The following DLG2 variants were observed in gnomAD, a reference collection of about 807,000 sequenced individuals.
DLG2 encodes the protein discs large MAGUK scaffold protein 2.
Under a neutral mutation model 132.5 loss-of-function variants are expected in DLG2, and 45 were observed. The observed-to-expected ratio is 0.34, with a 90% CI of 0.27 to 0.44. The LOEUF (loss-of-function observed/expected upper bound fraction) is 0.44. Among genes scored for constraint, DLG2 ranks in the 20% least tolerant of loss-of-function variants. DLG2 has a pLI of 1.00. For synonymous variants in DLG2, 424 were observed against 419.6 expected (o/e 1.01, Z -0.13); for missense variants, 1,045 against 1,196.9 (o/e 0.87, Z 1.87).
At chr11:83,664,177 G>A (rs2075011879) in intron 18 of DLG2, among the ~76,000 whole-genome samples, 1 of 152,178 alleles carries the variant, frequency 6.6e-6, no homozygotes. Context: ...CTAACACCAA[G>A]AGTCTGTTGA....
chr11:83,544,949 T>G (rs951277586), intron 19 of DLG2, among the ~76,000 whole-genome samples: 10 of 152,142 alleles, frequency 6.6e-5, no homozygotes, highest in African/African-American at 2.4e-4. Context: ...TAACCTTCCC[T>G]TCAGGGCTGA....
intron 8 of DLG2, among the ~76,000 whole-genome samples, chr11:84,186,677 C>T (rs2096282961): frequency 6.6e-6 from 1 of 151,902 alleles, no homozygotes; most frequent in African/African-American, 2.4e-5. Flanking sequence ...AACACTCCTC[C>T]TATCTAGATT....
At chr11:83,870,912 G>A (rs1000674961) in intron 16 of DLG2, among the ~76,000 whole-genome samples, 13 of 152,126 alleles carry the variant, frequency 8.5e-5, no homozygotes, top group South Asian at 2.1e-4. Flanking sequence ...GACATAATCC[G>A]AGGAAATGTC....
At chr11:85,151,512 A>T (rs1238393713) in intron 5 of DLG2, among the ~76,000 whole-genome samples, 1 of 152,040 alleles carries the variant, frequency 6.6e-6, no homozygotes, top group African/African-American at 2.4e-5. Context: ...TGTAGGCATT[A>T]TAGAGTTTAA....
chr11:84,002,282 C>A (rs1442413722), intron 11 of DLG2, among the ~76,000 whole-genome samples: 4 of 152,152 alleles, frequency 2.6e-5, no homozygotes, highest in Non-Finnish European at 5.9e-5. Flanking sequence ...CTTCCCAAGA[C>A]TGGGATCTAC....
chr11:84,688,681 T>C (rs1812656015), intron 6 of DLG2, among the ~76,000 whole-genome samples: 2 of 152,192 alleles, frequency 1.3e-5, no homozygotes, highest in South Asian at 4.1e-4. Context: ...AGCATAAATC[T>C]GGCTCTCTCT....
At chr11:85,111,448 C>T (rs2072720925) in intron 6 of DLG2, among the ~76,000 whole-genome samples, 1 of 152,106 alleles carries the variant, frequency 6.6e-6, no homozygotes, top group African/African-American at 2.4e-5. Context: ...CAATCCTTTC[C>T]AAGTTATCCT....
chr11:85,450,275 G>A lies in DLG2; in HGVS notation c.40+148382C>T, dbSNP rs375908274. 3.3e-5 allele frequency among the ~76,000 whole-genome samples: 5 copies of A among 152,168 alleles called. No individual in the cohort carries two copies. In the South Asian group the frequency reaches 6.2e-4, roughly 19 times the overall value. On this transcript the variant is annotated intron_variant, in intron 3 of 27. Transcript: ENST00000376104. ...TTGCCAAGTTGTCTTGCTTATCTTC[G>A]TTATTTGACAGGGAGACATTTTTTT...
At chr11:83,917,512 G>A (rs77358393) in intron 15 of DLG2, among the ~76,000 whole-genome samples, 2,765 of 152,232 alleles carry the variant, frequency 0.018, 88 homozygotes, top group African/African-American at 0.063. Context: ...TAATAGATGG[G>A]TTGATGAAAA....
chr11:84,464,199 C>T (rs2099087964), intron 7 of DLG2, among the ~76,000 whole-genome samples: 1 of 151,076 alleles, frequency 6.6e-6, no homozygotes, highest in African/African-American at 2.4e-5. Flanking sequence ...ATTACAAGAT[C>T]CTAGTCTCAA....
intron 6 of DLG2, among the ~76,000 whole-genome samples, chr11:84,612,572 T>C (rs2099597274): frequency 6.6e-6 from 1 of 152,150 alleles, no homozygotes; most frequent in African/African-American, 2.4e-5. Context: ...CATATGAAAA[T>C]GAAAATAAGA....
chr11:84,949,772 A>G (rs573328880), intron 6 of DLG2, among the ~76,000 whole-genome samples: 12 of 152,286 alleles, frequency 7.9e-5, no homozygotes, highest in Admixed American at 2.0e-4. Context: ...TCAAACACAC[A>G]TGCTGTACAA....
At chr11:85,590,856 C>T (rs1032359190) in intron 3 of DLG2, among the ~76,000 whole-genome samples, 1 of 152,156 alleles carries the variant, frequency 6.6e-6, no homozygotes, top group African/African-American at 2.4e-5. Flanking sequence ...TCACCAGATC[C>T]TTTCACACTC....
intron 4 of DLG2, among the ~76,000 whole-genome samples, chr11:85,229,788 C>T (rs1013908815): frequency 2.6e-5 from 4 of 152,112 alleles, no homozygotes; most frequent in Admixed American, 2.0e-4. Flanking sequence ...GGCACATATA[C>T]ACCATGGAAT....
chr11:85,615,954 C>T (rs1021707243), intron 2 of DLG2, among the ~76,000 whole-genome samples: 1 of 148,698 alleles, frequency 6.7e-6, no homozygotes, highest in Non-Finnish European at 1.5e-5. Flanking sequence ...TTTTGTACAG[C>T]AGTTTCTTAT....
chr11:85,196,037 G>T (rs1241885094), intron 4 of DLG2, among the ~76,000 whole-genome samples: 1 of 152,124 alleles, frequency 6.6e-6, no homozygotes, highest in African/African-American at 2.4e-5. Flanking sequence ...CTTTTGGAAT[G>T]AGAATTTTCA....
chr11:83,962,943 A>G lies in DLG2; in HGVS notation c.1282T>C (p.Ser428Pro), dbSNP rs2089227189. The G allele has an allele frequency of 6.2e-7, 1 of 1,612,974 alleles. No individual in the cohort carries two copies. Among genetic ancestry groups the G allele is most frequent in the Non-Finnish European group, 8.5e-7 (1 of 1,179,288 alleles). Residue 428 changes from serine (S) to proline (P), a missense_variant, in exon 14 of 28, where the codon TCT becomes CCT. By Grantham distance (74) the Ser-to-Pro change is moderately conservative. Around this residue, in one of 4 missense-constraint regions of DLG2, gnomAD observed 261 missense variants for 256.1 expected, o/e 1.02. Coordinates refer to ENST00000376104, the MANE Select transcript of DLG2 (RefSeq NM_001142699.3). ...GGAATTGGTGAGTACCTTCCTGGAGAGATGGGTGGCAGGGAGGTTTTATAT... is the reference window on the plus strand; with the variant it reads ...GGAATTGGTGAGTACCTTCCTGGAGGGATGGGTGGCAGGGAGGTTTTATAT... ...LEYKTSLPPI[S>P]PGRYSPIPKH...
intron 14 of DLG2, among the ~76,000 whole-genome samples, chr11:83,940,218 T>G (rs1302944646): frequency 1.3e-5 from 2 of 152,184 alleles, no homozygotes; most frequent in Non-Finnish European, 2.9e-5. Flanking sequence ...CATTAGAAAG[T>G]CCCTGGTTTC....
intron 2 of DLG2, among the ~76,000 whole-genome samples, chr11:85,622,984 G>T (rs774166777): frequency 6.7e-6 from 1 of 150,156 alleles, no homozygotes; most frequent in African/African-American, 2.5e-5. Context: ...CACGAACCCC[G>T]GAGGCGGAGG....
Sources: gnomAD v4.1 joint callset for allele counts (sites outside exome capture counted in the v4.1 genomes callset) on GRCh38, gnomAD v4.1.1 for gene constraint, gnomAD v4.1.1 regional missense constraint, MANE v1.5 for transcripts, NCBI Gene and HGNC (gene_info 2026-07-23, HGNC 2026-07-21) for gene names.